ALK: variants seen among roughly 807,000 people sequenced by gnomAD.
ALK encodes ALK tyrosine kinase receptor.
A neutral mutation model predicts 163.1 loss-of-function variants in ALK; 74 were observed. That is an observed-to-expected ratio of 0.45 (90% CI 0.38 to 0.55). The LOEUF is 0.55. ALK is among the 20% of genes least tolerant of loss of function. The pLI, the probability that ALK is intolerant of heterozygous loss-of-function variation, is 0.00. For missense variants in ALK, 2,063 were observed against 2,105.3 expected (o/e 0.98, Z 0.39); for synonymous variants, 960 against 843.2 (o/e 1.14, Z -2.40).
intron 3 of ALK, among the ~76,000 whole-genome samples, chr2:29,577,295 TATGG>T (rs1467049804): frequency 3.3e-5 from 5 of 152,172 alleles, no homozygotes; most frequent in Non-Finnish European, 7.3e-5. Flanking sequence ...AGTTTCTTCA[TATGG>T]AAGTAAATAA....
At chr2:29,419,057 T>C (rs1193538548) in intron 4 of ALK, among the ~76,000 whole-genome samples, 1 of 151,422 alleles carries the variant, frequency 6.6e-6, no homozygotes, top group Non-Finnish European at 1.5e-5. Context: ...TTTTTTATTT[T>C]ACTTTATTTT....
intron 3 of ALK, among the ~76,000 whole-genome samples, chr2:29,555,192 C>G (rs1673818565): frequency 1.3e-5 from 2 of 152,110 alleles, no homozygotes; most frequent in African/African-American, 4.8e-5. Context: ...TTGGGTTCTG[C>G]ATGGGGACCC....
intron 11 of ALK, among the ~76,000 whole-genome samples, chr2:29,268,271 G>T (rs6751253): frequency 0.012 from 1,779 of 152,260 alleles, 29 homozygotes; most frequent in African/African-American, 0.04. Flanking sequence ...AAATAATAGT[G>T]TTGATGCCTT....
At chr2:29,581,166 G>A (rs1334034931) in intron 3 of ALK, among the ~76,000 whole-genome samples, 1 of 152,170 alleles carries the variant, frequency 6.6e-6, no homozygotes, top group East Asian at 1.9e-4. Flanking sequence ...AAGGTGGGCG[G>A]ATCACGAGAT....
intron 3 of ALK, among the ~76,000 whole-genome samples, chr2:29,588,592 A>G (rs1272760773): frequency 6.6e-6 from 1 of 152,220 alleles, no homozygotes; most frequent in Non-Finnish European, 1.5e-5. Context: ...GGTGAGTCAC[A>G]TGCTATCCCA....
chr2:29,310,516 C>A lies in ALK; in HGVS notation c.1647+7788G>T, dbSNP rs149572045. 5.2e-3 allele frequency among the ~76,000 whole-genome samples: 791 copies of A among 152,314 alleles called. 8 individuals are homozygous for A. The highest frequency in any genetic ancestry group is 0.018 in the African/African-American group (749 of 41,558). Reference sequence around the variant, plus strand: ...TTAAGAATAATGGCTTGCTTTTCAGCATAATACAGCCAAGTGATTTGTAAG... The same window carrying A: ...TTAAGAATAATGGCTTGCTTTTCAGAATAATACAGCCAAGTGATTTGTAAG... On this transcript the variant is annotated intron_variant, in intron 8 of 28. Transcript: ENST00000389048.
chr2:29,540,055 T>A (rs1451832938), intron 3 of ALK, among the ~76,000 whole-genome samples: 1 of 152,148 alleles, frequency 6.6e-6, no homozygotes, highest in Non-Finnish European at 1.5e-5. Context: ...GATATAGTGG[T>A]TATTGGATAT....
At chr2:29,208,288 C>T (rs1057219907) in intron 25 of ALK, among the ~76,000 whole-genome samples, 2 of 152,102 alleles carry the variant, frequency 1.3e-5, no homozygotes, top group African/African-American at 2.4e-5. Flanking sequence ...ATTCCTGACC[C>T]GTGCCATTGT....
intron 5 of ALK, among the ~76,000 whole-genome samples, chr2:29,365,845 C>T (rs1668491500): frequency 6.6e-6 from 1 of 152,154 alleles, no homozygotes; most frequent in South Asian, 2.1e-4. Flanking sequence ...CTAGAGACAG[C>T]TGGACAACTA....
intron 4 of ALK, among the ~76,000 whole-genome samples, chr2:29,453,595 T>C (rs919541452): frequency 6.6e-6 from 1 of 152,184 alleles, no homozygotes; most frequent in Non-Finnish European, 1.5e-5. Context: ...CAAGGGCTTA[T>C]CTGCCTTGTG....
At position 29,193,236 on chromosome 2, in the gene ALK, C is replaced by G. The variant is rs1302653514; in HGVS notation, c.4851G>C (p.Gln1617His). The change falls in exon 29 of 29, where the codon CAG becomes CAC. Residue 1617 changes from glutamine to histidine, a missense_variant. This residue lies in a region of ALK where 403 missense variants were observed against 366.2 expected (regional missense o/e 1.10). Coordinates refer to ENST00000389048, the MANE Select transcript of ALK (RefSeq NM_004304.5). ...TILKSKNSMN[Q>H]PGP ...TGTGCGACCGAGCTCAGGGCCCAGG[C>G]TGGTTCATGCTATTCTTGCTTTTCA... The G allele has an allele frequency of 1.2e-6, 2 of 1,614,104 alleles. No homozygotes were observed. The highest frequency in any genetic ancestry group is 1.7e-6 in the Non-Finnish European group (2 of 1,180,016).
intron 4 of ALK, among the ~76,000 whole-genome samples, chr2:29,514,949 C>T (rs1001828959): frequency 6.6e-6 from 1 of 152,184 alleles, no homozygotes; most frequent in African/African-American, 2.4e-5. Context: ...ATCAGCTTTC[C>T]TTGGCTTTGA....
At chr2:29,705,272 TATATATATAAATATATA>T (rs1558451266) in intron 2 of ALK, among the ~76,000 whole-genome samples, 1 of 57,162 alleles carries the variant, frequency 1.7e-5, no homozygotes, top group Non-Finnish European at 2.9e-5. Flanking sequence ...TATATATATA[TATATATATAAATATATA>T]TCTGCTGTGA....
chr2:29,856,983 G>T (rs1666157843), intron 1 of ALK, among the ~76,000 whole-genome samples: 1 of 152,224 alleles, frequency 6.6e-6, no homozygotes. Flanking sequence ...GTAAGTGTGT[G>T]TGTCGTGTAC....
chr2:29,644,090 C>T (rs1325411660), intron 3 of ALK, among the ~76,000 whole-genome samples: 2 of 152,020 alleles, frequency 1.3e-5, no homozygotes. Context: ...GAGTTCACGT[C>T]CTTTGTAGGG....
intron 1 of ALK, among the ~76,000 whole-genome samples, chr2:29,756,855 C>T (rs146377950): frequency 6.6e-6 from 1 of 152,320 alleles, no homozygotes; most frequent in African/African-American, 2.4e-5. Flanking sequence ...GTGCCAGTCA[C>T]TGTGCTAGGG....
At chr2:29,310,093 A>C (rs571321266) in intron 8 of ALK, among the ~76,000 whole-genome samples, 2 of 152,312 alleles carry the variant, frequency 1.3e-5, no homozygotes, top group Admixed American at 1.3e-4. Context: ...AATTAAAGGA[A>C]GTCACTTGCT....
chr2:29,645,105 TCTC>T (rs1015633076), intron 3 of ALK, among the ~76,000 whole-genome samples: 8 of 152,126 alleles, frequency 5.3e-5, no homozygotes, highest in Non-Finnish European at 7.4e-5. Flanking sequence ...GCCTTTACTT[TCTC>T]CTCTTTTCTT....
At chr2:29,532,177 T>G in intron 3 of ALK, 61 bp from the exon 4 acceptor site, 3 of 1,511,108 alleles carry the variant, frequency 2.0e-6, no homozygotes, top group Non-Finnish European at 2.7e-6. Flanking sequence ...GCAGTAGCTC[T>G]GTGGCAAGAC....
Sources: allele counts gnomAD v4.1 joint callset (sites outside exome capture counted in the v4.1 genomes callset), GRCh38; gene constraint gnomAD v4.1.1; regional missense constraint gnomAD v4.1.1; transcripts MANE v1.5; gene names NCBI Gene and HGNC (gene_info 2026-07-23, HGNC 2026-07-21).